Variants in RCAN2 observed in about 807,000 individuals in gnomAD.
RCAN2 encodes regulator of calcineurin 2, also known as calcipressin-2.
RCAN2 carries 9 observed loss-of-function variants against 23.6 expected under a neutral mutation model. The ratio of observed to expected loss-of-function variants is 0.38; its 90% CI spans 0.23 to 0.67. The LOEUF (loss-of-function observed/expected upper bound fraction) is 0.67. RCAN2 is among the 30% of genes least tolerant of loss of function. RCAN2 has a pLI of 0.51. For synonymous variants in RCAN2, 109 were observed against 115.7 expected (o/e 0.94, Z 0.37); for missense variants, 273 against 302.3 (o/e 0.90, Z 0.72).
intron 2 of RCAN2, among the ~76,000 whole-genome samples, chr6:46,402,358 C>T (rs145752798): frequency 2.8e-3 from 424 of 152,280 alleles, no homozygotes; most frequent in African/African-American, 9.5e-3. Context: ...GGAGCAGCCT[C>T]AGGAGCCTCC....
At chr6:46,391,088 C>T (rs1765919139) in intron 2 of RCAN2, among the ~76,000 whole-genome samples, 1 of 152,186 alleles carries the variant, frequency 6.6e-6, no homozygotes, top group African/African-American at 2.4e-5. Flanking sequence ...CATAGCTCAG[C>T]TCCACTTTCT....
intron 2 of RCAN2, among the ~76,000 whole-genome samples, chr6:46,294,861 C>G (rs942600600): frequency 6.6e-6 from 1 of 152,122 alleles, no homozygotes; most frequent in Non-Finnish European, 1.5e-5. Flanking sequence ...AGTATGAGCA[C>G]ATACCACTTT....
At chr6:46,229,097 G>T (rs566483307) in intron 4 of RCAN2, among the ~76,000 whole-genome samples, 2 of 152,062 alleles carry the variant, frequency 1.3e-5, no homozygotes, top group African/African-American at 2.4e-5. Context: ...GAATATTGGC[G>T]CCCACTCTCT....
intron 1 of RCAN2, among the ~76,000 whole-genome samples, chr6:46,488,547 A>G (rs1258724557): frequency 6.6e-6 from 1 of 152,232 alleles, no homozygotes; most frequent in Non-Finnish European, 1.5e-5. Flanking sequence ...CTCTAAAAGC[A>G]ACCTTACACA....
chr6:46,302,133 A>G (rs905211640), intron 2 of RCAN2, among the ~76,000 whole-genome samples: 1 of 152,014 alleles, frequency 6.6e-6, no homozygotes, highest in African/African-American at 2.4e-5. Context: ...TGTGAAGGTG[A>G]AATCAATAGG....
intron 2 of RCAN2, among the ~76,000 whole-genome samples, chr6:46,406,195 G>GAAAGAGC (rs1554139329): frequency 2.0e-5 from 3 of 152,194 alleles, no homozygotes; most frequent in African/African-American, 7.2e-5. Flanking sequence ...GCCTTGGCCA[G>GAAAGAGC]CCCAGAAAGG....
intron 2 of RCAN2, among the ~76,000 whole-genome samples, chr6:46,398,989 T>G (rs553633065): frequency 6.6e-6 from 1 of 152,010 alleles, no homozygotes; most frequent in East Asian, 1.9e-4. Flanking sequence ...TGTGTTATAC[T>G]TATTTAAGGA....
intron 2 of RCAN2, among the ~76,000 whole-genome samples, chr6:46,440,182 T>C (rs1018152007): frequency 1.3e-5 from 2 of 152,192 alleles, no homozygotes; most frequent in African/African-American, 2.4e-5. Flanking sequence ...GCTTTATAAG[T>C]GTTCATTTCC....
At chr6:46,275,186 G>T (rs1194485535) in intron 2 of RCAN2, among the ~76,000 whole-genome samples, 4 of 150,546 alleles carry the variant, frequency 2.7e-5, no homozygotes, top group African/African-American at 9.8e-5. Flanking sequence ...TTCCACAGTT[G>T]ATCAGGAATC....
At chr6:46,341,086 C>T (rs913236656) in intron 2 of RCAN2, among the ~76,000 whole-genome samples, 1 of 152,054 alleles carries the variant, frequency 6.6e-6, no homozygotes, top group Non-Finnish European at 1.5e-5. Context: ...TTTAAAAAAT[C>T]TTAATTAGTA....
intron 2 of RCAN2, among the ~76,000 whole-genome samples, chr6:46,417,745 G>A (rs1049535138): frequency 6.6e-6 from 1 of 152,144 alleles, no homozygotes; most frequent in African/African-American, 2.4e-5. Flanking sequence ...TCAGAGAAAC[G>A]AACTAAAACG....
chr6:46,263,700 T>A (rs1195529597), intron 2 of RCAN2, among the ~76,000 whole-genome samples: 2 of 148,124 alleles, frequency 1.4e-5, no homozygotes, highest in Non-Finnish European at 3.0e-5. Flanking sequence ...TATCAAAGGA[T>A]TTAAATATTT....
chr6:46,238,197 G>A (rs970766395), intron 4 of RCAN2, among the ~76,000 whole-genome samples: 1 of 152,194 alleles, frequency 6.6e-6, no homozygotes, highest in African/African-American at 2.4e-5. Flanking sequence ...AAGGCATAGA[G>A]GAGTGAGGAA....
At chr6:46,241,180 G>A (rs1022102382) in intron 4 of RCAN2, among the ~76,000 whole-genome samples, 1 of 152,170 alleles carries the variant, frequency 6.6e-6, no homozygotes, top group African/African-American at 2.4e-5. Context: ...CTGATTGGTG[G>A]AGATAAGCTA....
intron 1 of RCAN2, among the ~76,000 whole-genome samples, chr6:46,480,726 C>T (rs113836424): frequency 0.072 from 10,993 of 151,976 alleles, 487 homozygotes; most frequent in East Asian, 0.14. Context: ...CCTGGGTTCA[C>T]GCCATTCTCT....
chr6:46,365,144 A>G (rs569527457), intron 2 of RCAN2, among the ~76,000 whole-genome samples: 1 of 152,268 alleles, frequency 6.6e-6, no homozygotes, highest in Admixed American at 6.5e-5. Context: ...ATGCACTTGA[A>G]TTATCCCAAA....
At chr6:46,383,233 C>T (rs1029702895) in intron 2 of RCAN2, among the ~76,000 whole-genome samples, 6 of 142,540 alleles carry the variant, frequency 4.2e-5, no homozygotes, top group African/African-American at 1.5e-4. Context: ...GGAGAGGCAA[C>T]CAGAGAAGGC....
chr6:46,473,217 C>T (rs1768618093), intron 1 of RCAN2, among the ~76,000 whole-genome samples: 2 of 152,128 alleles, frequency 1.3e-5, no homozygotes, highest in South Asian at 2.1e-4. Flanking sequence ...CATACCAATG[C>T]TTTTCTCTCC....
intron 2 of RCAN2, among the ~76,000 whole-genome samples, chr6:46,308,969 C>T (rs1763168203): frequency 6.6e-6 from 1 of 152,074 alleles, no homozygotes; most frequent in South Asian, 2.1e-4. Context: ...TCCTTTTCAA[C>T]CTTTCAATCT....
Sources: gnomAD v4.1 joint callset for allele counts (sites outside exome capture counted in the v4.1 genomes callset) on GRCh38, gnomAD v4.1.1 for gene constraint, MANE v1.5 for transcripts, NCBI Gene and HGNC (gene_info 2026-07-23, HGNC 2026-07-21) for gene names.